The following WWOX variants were observed in gnomAD, a reference collection of about 807,000 sequenced individuals.
The protein encoded by WWOX is WW domain containing oxidoreductase.
WWOX carries 69 observed loss-of-function variants against 46.2 expected under a neutral mutation model. That is an observed-to-expected ratio of 1.49 (90% CI 1.23 to 1.82). The LOEUF (loss-of-function observed/expected upper bound fraction) is 1.82. Ranked by LOEUF, WWOX falls within the 40% of genes most tolerant of loss-of-function variation. The probability of loss-of-function intolerance (pLI) is 0.00; values close to 1 mark genes in which losing one functional copy is unlikely to be tolerated. For missense variants in WWOX, 919 were observed against 542.6 expected (o/e 1.69, Z -6.89); for synonymous variants, 359 against 202.6 (o/e 1.77, Z -6.56).
chr16:78,917,600 T>C (rs2045282087), intron 8 of WWOX, among the ~76,000 whole-genome samples: 1 of 152,146 alleles, frequency 6.6e-6, no homozygotes, highest in South Asian at 2.1e-4. Context: ...TTCATTCTTT[T>C]GCAGCTGCAG....
chr16:79,039,494 A>G (rs1306190956), intron 8 of WWOX, among the ~76,000 whole-genome samples: 2 of 152,218 alleles, frequency 1.3e-5, no homozygotes, highest in East Asian at 3.9e-4. Context: ...GCCCATCGTA[A>G]AGGCTGATTA....
At chr16:78,331,512 C>T (rs961499662) in intron 5 of WWOX, among the ~76,000 whole-genome samples, 1 of 152,160 alleles carries the variant, frequency 6.6e-6, no homozygotes, top group Admixed American at 6.5e-5. Flanking sequence ...TTTGTCCATT[C>T]ATTTTGCTTT....
intron 8 of WWOX, among the ~76,000 whole-genome samples, chr16:78,817,909 T>G (rs1172911340): frequency 6.6e-6 from 1 of 152,198 alleles, no homozygotes; most frequent in African/African-American, 2.4e-5. Context: ...CATTGGGCTT[T>G]CCAGGAAGGA....
At chr16:78,602,509 G>C (rs1482554529) in intron 8 of WWOX, among the ~76,000 whole-genome samples, 2 of 152,160 alleles carry the variant, frequency 1.3e-5, no homozygotes, top group Non-Finnish European at 2.9e-5. Flanking sequence ...TGGGATTACA[G>C]GTGCTAGCCA....
At chr16:78,976,197 A>AAATG (rs1201596604) in intron 8 of WWOX, among the ~76,000 whole-genome samples, 2 of 152,238 alleles carry the variant, frequency 1.3e-5, no homozygotes, top group Admixed American at 1.3e-4. Context: ...AAGAATGAAC[A>AAATG]AATGAATGAA....
At chr16:79,123,806 A>T (rs1026840582) in intron 8 of WWOX, among the ~76,000 whole-genome samples, 3 of 152,194 alleles carry the variant, frequency 2.0e-5, no homozygotes, top group Non-Finnish European at 2.9e-5. Flanking sequence ...TCCCAGGACA[A>T]TTCATATCCC....
intron 8 of WWOX, among the ~76,000 whole-genome samples, chr16:78,764,035 G>A (rs2049864658): frequency 6.6e-6 from 1 of 152,168 alleles, no homozygotes; most frequent in Non-Finnish European, 1.5e-5. Flanking sequence ...GGCACCAGCT[G>A]CGTAGGATAT....
At chr16:78,554,271 A>T (rs954334413) in intron 8 of WWOX, among the ~76,000 whole-genome samples, 5 of 152,198 alleles carry the variant, frequency 3.3e-5, no homozygotes, top group African/African-American at 1.2e-4. Flanking sequence ...TTTCACTATC[A>T]GTGGTATAAG....
At chr16:78,203,629 G>A (rs2036302530) in intron 5 of WWOX, among the ~76,000 whole-genome samples, 1 of 152,180 alleles carries the variant, frequency 6.6e-6, no homozygotes, top group African/African-American at 2.4e-5. Flanking sequence ...AGAGATGTCA[G>A]TTAACATTCT....
intron 8 of WWOX, among the ~76,000 whole-genome samples, chr16:78,832,964 C>T (rs911408204): frequency 6.6e-6 from 1 of 151,786 alleles, no homozygotes; most frequent in Non-Finnish European, 1.5e-5. Context: ...TGTGCTATGT[C>T]CCCATTGGTG....
intron 8 of WWOX, among the ~76,000 whole-genome samples, chr16:78,704,844 T>G (rs2048298112): frequency 6.6e-6 from 1 of 152,052 alleles, no homozygotes; most frequent in Non-Finnish European, 1.5e-5. Context: ...GCATTGACAT[T>G]ACGTGGCTTC....
At chr16:78,171,789 A>T (rs868067459) in intron 5 of WWOX, among the ~76,000 whole-genome samples, 2 of 152,204 alleles carry the variant, frequency 1.3e-5, no homozygotes, top group African/African-American at 4.8e-5. Flanking sequence ...TCTGCAAACC[A>T]GCAAGAACTA....
intron 8 of WWOX, among the ~76,000 whole-genome samples, chr16:78,674,659 C>G (rs1357982475): frequency 6.6e-6 from 1 of 152,134 alleles, no homozygotes; most frequent in African/African-American, 2.4e-5. Context: ...GCCTTTATCT[C>G]CTGCCCCATA....
chr16:79,073,460 A>C (rs1439774887), intron 8 of WWOX, among the ~76,000 whole-genome samples: 1 of 152,106 alleles, frequency 6.6e-6, no homozygotes, highest in African/African-American at 2.4e-5. Flanking sequence ...GGTTTCAAGC[A>C]TGAGCCACCG....
intron 1 of WWOX, 125 bp downstream of exon 1, chr16:78,100,010 A>C: frequency 6.8e-7 from 1 of 1,481,058 alleles, no homozygotes; most frequent in Non-Finnish European, 8.9e-7. Flanking sequence ...GTAACTGTTA[A>C]GGAGCTTCAG....
intron 8 of WWOX, among the ~76,000 whole-genome samples, chr16:78,669,635 T>A (rs2047414208): frequency 6.6e-6 from 1 of 152,190 alleles, no homozygotes; most frequent in Non-Finnish European, 1.5e-5. Flanking sequence ...GTTTCAGATA[T>A]CCAACACAAA....
At chr16:78,950,245 T>G (rs752899915) in intron 8 of WWOX, among the ~76,000 whole-genome samples, 5 of 152,188 alleles carry the variant, frequency 3.3e-5, no homozygotes, top group Admixed American at 6.5e-5. Context: ...ATTACGGTCT[T>G]TAGCTCAAAT....
Position 78,606,317 on chromosome 16 carries a change from G to T in WWOX, c.1056+173565G>T, listed in dbSNP as rs986864247. On this transcript the variant is annotated intron_variant, in intron 8 of 8. Transcript: ENST00000566780. The stretch of plus-strand genomic sequence containing the variant: ...TAAAATTTTACATCATTTTAAAATT[G>T]TTTCTCTTTTATAAGAAGGATGCTA... Among the ~76,000 whole-genome samples the T allele has an allele frequency of 2.6e-5, 4 of 152,068 alleles. No individual in the cohort carries two copies. In the East Asian group the frequency reaches 7.7e-4, roughly 29 times the overall value.
At chr16:79,074,528 A>G (rs2048617960) in intron 8 of WWOX, among the ~76,000 whole-genome samples, 1 of 146,638 alleles carries the variant, frequency 6.8e-6, no homozygotes, top group African/African-American at 2.5e-5. Context: ...TTTGGGGACA[A>G]CAGTGACCAT....
Sources: gnomAD v4.1 joint callset for allele counts (sites outside exome capture counted in the v4.1 genomes callset) on GRCh38, gnomAD v4.1.1 for gene constraint, MANE v1.5 for transcripts, NCBI Gene and HGNC (gene_info 2026-07-23, HGNC 2026-07-21) for gene names.